Variants in PRKG1 observed in about 807,000 individuals in gnomAD.
The protein encoded by PRKG1 is cGMP-dependent protein kinase 1.
PRKG1 carries 35 observed loss-of-function variants against 88.1 expected under a neutral mutation model. The observed-to-expected ratio is 0.40, with a 90% confidence interval of 0.30 to 0.53. The LOEUF is 0.53. Among genes scored for constraint, PRKG1 ranks in the 20% least tolerant of loss-of-function variants. PRKG1 has a pLI of 0.59. For missense variants in PRKG1, 540 were observed against 839.8 expected (o/e 0.64, Z 4.41); for synonymous variants, 303 against 292.5 (o/e 1.04, Z -0.37).
At chr10:52,056,412 T>A (rs1846110998) in intron 6 of PRKG1, among the ~76,000 whole-genome samples, 1 of 152,240 alleles carries the variant, frequency 6.6e-6, no homozygotes, top group South Asian at 2.1e-4. Context: ...TCTGACAGTC[T>A]TTTGTTACCA....
chr10:51,037,542 G>A (rs1448479683), intron 1 of PRKG1, among the ~76,000 whole-genome samples: 1 of 152,150 alleles, frequency 6.6e-6, no homozygotes, highest in East Asian at 1.9e-4. Flanking sequence ...CCAGCACTTT[G>A]GGAGGCTGAG....
intron 4 of PRKG1, among the ~76,000 whole-genome samples, chr10:51,847,441 CT>C (rs901655497): frequency 3.3e-5 from 5 of 151,750 alleles, no homozygotes; most frequent in Admixed American, 6.6e-5. Context: ...GAAAATGAAC[CT>C]TTTTTTATAT....
At chr10:51,160,273 GT>G (rs1241997843) in intron 2 of PRKG1, among the ~76,000 whole-genome samples, 1 of 152,010 alleles carries the variant, frequency 6.6e-6, no homozygotes, top group Non-Finnish European at 1.5e-5. Flanking sequence ...TCTACCACTT[GT>G]TTTTGCTCAA....
intron 2 of PRKG1, among the ~76,000 whole-genome samples, chr10:51,460,515 G>A (rs2132796079): frequency 6.6e-6 from 1 of 152,242 alleles, no homozygotes; most frequent in Admixed American, 6.5e-5. Context: ...GGGATGATTA[G>A]TCTATTTTCC....
chr10:51,156,903 G>A (rs568865507), intron 2 of PRKG1, among the ~76,000 whole-genome samples: 2 of 151,880 alleles, frequency 1.3e-5, no homozygotes, highest in African/African-American at 2.4e-5. Context: ...GAATGAATAG[G>A]CAGTAAAGGA....
At chr10:51,246,797 G>A (rs916190164) in intron 2 of PRKG1, among the ~76,000 whole-genome samples, 5 of 151,956 alleles carry the variant, frequency 3.3e-5, no homozygotes, top group Non-Finnish European at 5.9e-5. Flanking sequence ...GTGGCGAATT[G>A]GAGAGCTCTT....
intron 3 of PRKG1, among the ~76,000 whole-genome samples, chr10:51,548,832 A>G (rs1054984611): frequency 1.3e-5 from 2 of 152,250 alleles, no homozygotes; most frequent in Middle Eastern, 3.4e-3. Flanking sequence ...ACATAAAACT[A>G]CAAGAGTTTG....
chr10:52,190,904 C>T (rs1415585117), intron 9 of PRKG1, among the ~76,000 whole-genome samples: 1 of 152,126 alleles, frequency 6.6e-6, no homozygotes, highest in Non-Finnish European at 1.5e-5. Context: ...CATATTATTT[C>T]CTCCCAAATA....
chr10:51,407,428 T>G (rs918855978), intron 2 of PRKG1, among the ~76,000 whole-genome samples: 13 of 152,200 alleles, frequency 8.5e-5, no homozygotes, highest in African/African-American at 3.1e-4. Flanking sequence ...TCAATAAATA[T>G]TATGTCACAT....
At chr10:52,128,916 G>C (rs1416236194) in intron 7 of PRKG1, among the ~76,000 whole-genome samples, 1 of 152,130 alleles carries the variant, frequency 6.6e-6, no homozygotes, top group Non-Finnish European at 1.5e-5. Flanking sequence ...AAAAAAGCAA[G>C]TCTAGTGTGC....
chr10:52,269,253 T>A (rs1841655955), intron 10 of PRKG1, among the ~76,000 whole-genome samples: 1 of 152,086 alleles, frequency 6.6e-6, no homozygotes, highest in South Asian at 2.1e-4. Context: ...CATGCCATCT[T>A]CCCTAGCTTT....
At chr10:51,027,021 T>A (rs1013829678) in intron 1 of PRKG1, among the ~76,000 whole-genome samples, 1 of 151,944 alleles carries the variant, frequency 6.6e-6, no homozygotes, top group Non-Finnish European at 1.5e-5. Context: ...CCAAATCTCT[T>A]ACTCAGGACT....
chr10:51,213,804 AAG>A, intron 2 of PRKG1, among the ~76,000 whole-genome samples: 2 of 152,142 alleles, frequency 1.3e-5, no homozygotes, highest in South Asian at 4.1e-4. Flanking sequence ...GTGAGAGAGC[AAG>A]AGAGAAGTAA....
At chr10:51,757,369 G>T (rs892202898) in intron 3 of PRKG1, among the ~76,000 whole-genome samples, 9 of 152,074 alleles carry the variant, frequency 5.9e-5, no homozygotes, top group African/African-American at 1.9e-4. Flanking sequence ...CTCCCAAAGT[G>T]CTGGGGTTAC....
At chr10:52,166,839 G>GTATATATATATGTCTATATATGTATA (rs375678645) in intron 9 of PRKG1, among the ~76,000 whole-genome samples, 2 of 90,484 alleles carry the variant, frequency 2.2e-5, no homozygotes, top group Admixed American at 1.2e-4. Flanking sequence ...GTATATATAT[G>GTATATATATATGTCTATATATGTATA]TATATATATG....
At chr10:51,326,713 A>C (rs536975275) in intron 2 of PRKG1, among the ~76,000 whole-genome samples, 1 of 152,176 alleles carries the variant, frequency 6.6e-6, no homozygotes, top group African/African-American at 2.4e-5. Context: ...CAGCTCACTG[A>C]CTGTCATGTG....
chr10:51,697,592 G>C (rs1841331976), intron 3 of PRKG1: 1 of 1,094,058 alleles, frequency 9.1e-7, no homozygotes, highest in African/African-American at 1.6e-5. Flanking sequence ...TCTAGGAGGA[G>C]GGAAACCCTA....
At chr10:51,107,478 A>G (rs939355343) in intron 1 of PRKG1, among the ~76,000 whole-genome samples, 3 of 152,192 alleles carry the variant, frequency 2.0e-5, no homozygotes, top group Non-Finnish European at 2.9e-5. Context: ...TTGATGTAAT[A>G]GAAAATAGTA....
chr10:51,714,075 G>C (rs1841826764), intron 3 of PRKG1, among the ~76,000 whole-genome samples: 1 of 152,084 alleles, frequency 6.6e-6, no homozygotes, highest in Non-Finnish European at 1.5e-5. Flanking sequence ...CGCCTCCCAG[G>C]TTTGCGCCAT....
Sources: allele counts gnomAD v4.1 joint callset (sites outside exome capture counted in the v4.1 genomes callset), GRCh38; gene constraint gnomAD v4.1.1; transcripts MANE v1.5; gene names NCBI Gene and HGNC (gene_info 2026-07-23, HGNC 2026-07-21).